Variants in TMEM132D observed in about 807,000 individuals in gnomAD.
TMEM132D encodes transmembrane protein 132D, also known as mature OL transmembrane protein.
TMEM132D carries 21 observed loss-of-function variants against 62.3 expected under a neutral mutation model. The ratio of observed to expected loss-of-function variants is 0.34; its 90% confidence interval spans 0.24 to 0.49. The LOEUF is 0.49. Among genes scored for constraint, TMEM132D ranks in the 20% least tolerant of loss-of-function variants. The pLI, the probability that TMEM132D is intolerant of heterozygous loss-of-function variation, is 0.99. For missense variants in TMEM132D, 1,346 were observed against 1,402.8 expected, an observed-to-expected ratio of 0.96 and a Z score of 0.65; for synonymous variants, 621 against 575.6, an observed-to-expected ratio of 1.08 and a Z score of -1.13.
chr12:129,430,012 C>T (rs997298824), intron 3 of TMEM132D, among the ~76,000 whole-genome samples: 4 of 152,068 alleles, frequency 2.6e-5, no homozygotes, highest in Middle Eastern at 3.2e-3. Flanking sequence ...TTCCAAGTCT[C>T]TGCTATTGTG....
chr12:129,632,178 G>A (rs1879362107), intron 2 of TMEM132D, among the ~76,000 whole-genome samples: 3 of 152,130 alleles, frequency 2.0e-5, no homozygotes, highest in African/African-American at 7.2e-5. Flanking sequence ...TAGCACCTTA[G>A]GAAATGCTTA....
At chr12:129,650,174 T>C (rs1369827999) in intron 2 of TMEM132D, among the ~76,000 whole-genome samples, 2 of 152,194 alleles carry the variant, frequency 1.3e-5, no homozygotes. Flanking sequence ...TATCTGATTT[T>C]ATATATAATT....
chr12:129,349,970 G>T (rs984049205), intron 3 of TMEM132D, among the ~76,000 whole-genome samples: 1 of 152,188 alleles, frequency 6.6e-6, no homozygotes, highest in Non-Finnish European at 1.5e-5. Context: ...AGTAGAAAGA[G>T]CTAATCAAAC....
chr12:129,322,405 C>A (rs1422423603), intron 4 of TMEM132D, among the ~76,000 whole-genome samples: 1 of 152,238 alleles, frequency 6.6e-6, no homozygotes. Flanking sequence ...ATGGCCATTT[C>A]TCTTGATGGT....
At chr12:129,442,067 C>A (rs1175505501) in intron 3 of TMEM132D, among the ~76,000 whole-genome samples, 1 of 152,166 alleles carries the variant, frequency 6.6e-6, no homozygotes, top group African/African-American at 2.4e-5. Context: ...TTCAATTGCA[C>A]CCCAACCCCC....
chr12:129,487,035 G>T lies in TMEM132D; in HGVS notation c.1115+44024C>A, dbSNP rs7977855. ...ATGTCTGCGAATGTTTGCGTATGGG[G>T]GGGGGGGTTGTGGGTGTAGCTGTGT... On this transcript the variant is annotated intron_variant, in intron 3 of 8. Coordinates refer to ENST00000422113, the MANE Select transcript of TMEM132D (RefSeq NM_133448.3). 3.1e-3 allele frequency among the ~76,000 whole-genome samples: 478 copies of T among 151,980 alleles called. 4 individuals carry two copies. Among genetic ancestry groups the T allele is most frequent in the African/African-American group, 0.01 (425 of 41,368 alleles).
At chr12:129,454,686 T>TA (rs1353565137) in intron 3 of TMEM132D, among the ~76,000 whole-genome samples, 1 of 152,238 alleles carries the variant, frequency 6.6e-6, no homozygotes, top group African/African-American at 2.4e-5. Context: ...ATCACCTTTT[T>TA]AGCTGTTGCA....
At chr12:129,501,555 G>A (rs917277229) in intron 3 of TMEM132D, among the ~76,000 whole-genome samples, 2 of 151,712 alleles carry the variant, frequency 1.3e-5, no homozygotes, top group Admixed American at 6.6e-5. Flanking sequence ...GCCTAGGCTG[G>A]AGTGCAGGGT....
At chr12:129,346,537 G>A (rs924475568) in intron 3 of TMEM132D, among the ~76,000 whole-genome samples, 4 of 151,750 alleles carry the variant, frequency 2.6e-5, no homozygotes, top group African/African-American at 9.7e-5. Context: ...TTAGGGTGTC[G>A]AGTTTAGGTC....
intron 4 of TMEM132D, among the ~76,000 whole-genome samples, chr12:129,337,093 G>A (rs1030595832): frequency 8.5e-5 from 13 of 152,122 alleles, no homozygotes; most frequent in Non-Finnish European, 8.8e-5. Flanking sequence ...TAGTGTCACC[G>A]GGCAGCTGTC....
chr12:129,428,808 G>A (rs927784364), intron 3 of TMEM132D, among the ~76,000 whole-genome samples: 4 of 152,128 alleles, frequency 2.6e-5, no homozygotes, highest in South Asian at 2.1e-4. Context: ...TTAATATCAC[G>A]ACTGAGCGAG....
In TMEM132D at chr12:129,417,143, C is replaced by T. The variant is rs111970480; in HGVS notation, c.1116-79326G>A. Among the ~76,000 whole-genome samples, 25 of 152,208 alleles carry T rather than the reference C, an allele frequency of 1.6e-4. 1 individual carries two copies. The highest frequency in any genetic ancestry group is 5.1e-4 in the African/African-American group (21 of 41,522). ...GAATGGTACCAGTTCCTCTTTGTAC[C>T]TCTGGTAGAATTCGGCTGTGAATCC... is the stretch of plus-strand genomic sequence containing the variant. On this transcript the variant is annotated intron_variant, in intron 3 of 8. Coordinates refer to ENST00000422113, the MANE Select transcript of TMEM132D (RefSeq NM_133448.3).
At chr12:129,464,282 A>G (rs1426798201) in intron 3 of TMEM132D, among the ~76,000 whole-genome samples, 2 of 152,196 alleles carry the variant, frequency 1.3e-5, no homozygotes, top group African/African-American at 4.8e-5. Context: ...TCTTTTGAGA[A>G]GTGTCTGTTC....
chr12:129,535,093 C>T (rs995161430), intron 2 of TMEM132D, among the ~76,000 whole-genome samples: 5 of 152,184 alleles, frequency 3.3e-5, no homozygotes, highest in Admixed American at 1.3e-4. Context: ...TGTCTCTGTT[C>T]CACTCAGTCA....
At chr12:129,634,743 A>T (rs1026130560) in intron 2 of TMEM132D, among the ~76,000 whole-genome samples, 1 of 152,188 alleles carries the variant, frequency 6.6e-6, no homozygotes, top group Non-Finnish European at 1.5e-5. Flanking sequence ...TGTTTTATAG[A>T]AAAGGTTTTA....
At chr12:129,684,337 T>G (rs1188398427) in intron 2 of TMEM132D, among the ~76,000 whole-genome samples, 2 of 152,070 alleles carry the variant, frequency 1.3e-5, no homozygotes, top group African/African-American at 4.8e-5. Flanking sequence ...TAAGGGGCGT[T>G]TCCCCCTTTG....
chr12:129,084,491 A>G lies in TMEM132D; in HGVS notation c.1649+6T>C. Reference sequence around the variant, plus strand: ...GCCTGCCATGGAGTTTCAGGGACATACCCACCTCCTGCTGGAGACGATGGG... The same window carrying G: ...GCCTGCCATGGAGTTTCAGGGACATGCCCACCTCCTGCTGGAGACGATGGG... On this transcript the variant is annotated splice_donor_region_variant and intron_variant, in intron 6 of 8. Coordinates refer to ENST00000422113, the MANE Select transcript of TMEM132D (RefSeq NM_133448.3). 1 of 1,584,536 alleles carries G rather than the reference A, an allele frequency of 6.3e-7. No individual in the cohort carries two copies. The highest frequency in any genetic ancestry group is 8.6e-7 in the Non-Finnish European group (1 of 1,165,714).
At chr12:129,205,477 A>G (rs1298805285) in intron 5 of TMEM132D, among the ~76,000 whole-genome samples, 1 of 152,198 alleles carries the variant, frequency 6.6e-6, no homozygotes, top group Admixed American at 6.5e-5. Flanking sequence ...TATCCTAACT[A>G]TACATGCATC....
chr12:129,480,840 G>A (rs919061109), intron 3 of TMEM132D, among the ~76,000 whole-genome samples: 3 of 152,210 alleles, frequency 2.0e-5, no homozygotes, highest in Non-Finnish European at 4.4e-5. Flanking sequence ...CCACTTCTGA[G>A]ATGTGTCCCA....
Sources: gnomAD v4.1 joint callset for allele counts (sites outside exome capture counted in the v4.1 genomes callset) on GRCh38, gnomAD v4.1.1 for gene constraint, MANE v1.5 for transcripts, NCBI Gene and HGNC (gene_info 2026-07-23, HGNC 2026-07-21) for gene names.